Variants in TANC2 observed in about 807,000 individuals in gnomAD.
TANC2 encodes the protein protein TANC2.
Under a neutral mutation model 210.5 loss-of-function variants are expected in TANC2, and 26 were observed. The ratio of observed to expected loss-of-function variants is 0.12; its 90% confidence interval spans 0.09 to 0.17. The LOEUF is 0.17. Ranked by LOEUF, TANC2 falls within the 10% of genes least tolerant of loss-of-function variation. The pLI, the probability that TANC2 is intolerant of heterozygous loss-of-function variation, is 1.00. For synonymous variants in TANC2, 931 were observed against 967.1 expected (o/e 0.96, Z 0.69); for missense variants, 2,129 against 2,608.9 (o/e 0.82, Z 4.01).
intron 8 of TANC2, among the ~76,000 whole-genome samples, chr17:63,246,890 G>C (rs1484531082): frequency 6.6e-6 from 1 of 152,094 alleles, no homozygotes; most frequent in East Asian, 1.9e-4. Context: ...ATGCAAAAAT[G>C]TTTTTCTAAA....
At chr17:63,270,515 C>T (rs1489613743) in intron 9 of TANC2, among the ~76,000 whole-genome samples, 14 of 152,058 alleles carry the variant, frequency 9.2e-5, no homozygotes, top group Non-Finnish European at 1.5e-5. Context: ...ACATATTTTT[C>T]TTCTGATTAT....
chr17:63,056,891 T>A (rs1316126777), intron 2 of TANC2, among the ~76,000 whole-genome samples: 1 of 152,246 alleles, frequency 6.6e-6, no homozygotes, highest in Middle Eastern at 3.2e-3. Flanking sequence ...GTATTTATTT[T>A]TTCCCTTTTA....
chr17:63,183,208 T>C (rs2040851030), intron 5 of TANC2, among the ~76,000 whole-genome samples: 1 of 152,256 alleles, frequency 6.6e-6, no homozygotes, highest in Admixed American at 6.5e-5. Flanking sequence ...GATCTGCTTT[T>C]CCATTGTGTC....
chr17:63,007,983 C>T (rs184984086), intron 1 of TANC2, among the ~76,000 whole-genome samples: 32 of 124,056 alleles, frequency 2.6e-4, no homozygotes, highest in African/African-American at 1.0e-3. Flanking sequence ...GCTTGATTGG[C>T]GCCAGTTTTT....
intron 7 of TANC2, among the ~76,000 whole-genome samples, chr17:63,226,312 C>G (rs1179715532): frequency 6.6e-6 from 1 of 152,156 alleles, no homozygotes; most frequent in Admixed American, 6.5e-5. Context: ...TTATGTCCCT[C>G]AAAAGCCTTT....
intron 11 of TANC2, among the ~76,000 whole-genome samples, chr17:63,321,335 C>T (rs1204552397): frequency 1.3e-5 from 2 of 152,108 alleles, no homozygotes; most frequent in Non-Finnish European, 2.9e-5. Context: ...AATCCTTTTA[C>T]AAAAAATTTA....
At chr17:63,123,901 C>T (rs2145159489) in intron 4 of TANC2, among the ~76,000 whole-genome samples, 1 of 151,968 alleles carries the variant, frequency 6.6e-6, no homozygotes, top group African/African-American at 2.4e-5. Flanking sequence ...TGGGGTTTCA[C>T]CATCTTGGCC....
intron 8 of TANC2, among the ~76,000 whole-genome samples, chr17:63,256,920 C>A (rs7219979): frequency 2.0e-5 from 3 of 152,128 alleles, no homozygotes; most frequent in Non-Finnish European, 4.4e-5. Context: ...TCTGATATAA[C>A]TATAGCTACT....
intron 9 of TANC2, among the ~76,000 whole-genome samples, chr17:63,273,412 G>A (rs1318450768): frequency 1.3e-5 from 2 of 151,704 alleles, no homozygotes; most frequent in Non-Finnish European, 2.9e-5. Flanking sequence ...ATAATAATAG[G>A]GATTGTTGAA....
chr17:63,286,728 C>T (rs949272896), intron 9 of TANC2, among the ~76,000 whole-genome samples: 2 of 152,140 alleles, frequency 1.3e-5, no homozygotes, highest in African/African-American at 4.8e-5. Context: ...GCAATTACAA[C>T]TATATTTGTC....
intron 10 of TANC2, among the ~76,000 whole-genome samples, chr17:63,318,337 G>A (rs1032012541): frequency 2.4e-4 from 37 of 152,188 alleles, no homozygotes; most frequent in African/African-American, 8.9e-4. Flanking sequence ...TTATTGAGCT[G>A]TAACTCACAT....
chr17:63,345,637 A>C (rs1038205563), intron 12 of TANC2, among the ~76,000 whole-genome samples: 2 of 151,852 alleles, frequency 1.3e-5, no homozygotes, highest in East Asian at 1.9e-4. Flanking sequence ...AAAAAAAAAA[A>C]AACACATAAT....
intron 5 of TANC2, among the ~76,000 whole-genome samples, chr17:63,181,633 C>G (rs146299926): frequency 6.6e-6 from 1 of 152,192 alleles, no homozygotes; most frequent in African/African-American, 2.4e-5. Context: ...CACTTGACAC[C>G]GACACCTCCT....
At chr17:63,378,097 C>CA (rs1170158347) in intron 14 of TANC2, among the ~76,000 whole-genome samples, 1 of 152,122 alleles carries the variant, frequency 6.6e-6, no homozygotes, top group Non-Finnish European at 1.5e-5. Flanking sequence ...CAAAGCATAT[C>CA]AGCCATAGAG....
chr17:63,075,797 G>T (rs1158647324), intron 3 of TANC2, among the ~76,000 whole-genome samples: 1 of 152,098 alleles, frequency 6.6e-6, no homozygotes, highest in African/African-American at 2.4e-5. Flanking sequence ...AGGATTACAG[G>T]TGTGAGCCAC....
intron 8 of TANC2, among the ~76,000 whole-genome samples, chr17:63,264,832 G>A (rs2043475812): frequency 6.6e-6 from 1 of 152,058 alleles, no homozygotes; most frequent in Non-Finnish European, 1.5e-5. Context: ...GGTGATGCAT[G>A]CCTGTAGTTC....
chr17:62,976,960 C>T (rs558438312), intron 1 of TANC2, among the ~76,000 whole-genome samples: 121 of 152,294 alleles, frequency 7.9e-4, no homozygotes, highest in African/African-American at 2.4e-3. Context: ...TGTGAGGTCC[C>T]GTTCCAGCCG....
intron 12 of TANC2, among the ~76,000 whole-genome samples, chr17:63,351,004 T>A (rs1439244320): frequency 6.6e-6 from 1 of 152,100 alleles, no homozygotes. Context: ...AATATGGAGA[T>A]TTCTGAAAAT....
intron 1 of TANC2, among the ~76,000 whole-genome samples, chr17:62,972,075 G>T (rs776285544): frequency 1.3e-5 from 2 of 152,152 alleles, no homozygotes; most frequent in Non-Finnish European, 2.9e-5. Context: ...TACGCAATTA[G>T]TGAAAAAACT....
Sources: allele counts gnomAD v4.1 joint callset (sites outside exome capture counted in the v4.1 genomes callset), GRCh38; gene constraint gnomAD v4.1.1; transcripts MANE v1.5; gene names NCBI Gene and HGNC (gene_info 2026-07-23, HGNC 2026-07-21).